SPTLC2: variants seen among roughly 807,000 people sequenced by gnomAD.
The protein encoded by SPTLC2 is serine palmitoyltransferase 2.
Under a neutral mutation model 62.0 loss-of-function variants are expected in SPTLC2, and 21 were observed. The ratio of observed to expected loss-of-function variants is 0.34; its 90% CI spans 0.24 to 0.49. The LOEUF (loss-of-function observed/expected upper bound fraction) is 0.49, where lower values mean the gene tolerates loss of function less well. SPTLC2 is among the 20% of genes least tolerant of loss of function. The pLI, the probability that SPTLC2 is intolerant of heterozygous loss-of-function variation, is 0.99. For missense variants in SPTLC2, 511 were observed against 713.0 expected (o/e 0.72, Z 3.23); for synonymous variants, 261 against 261.8 (o/e 1.00, Z 0.03).
chr14:77,567,034 G>A (rs866103055), intron 5 of SPTLC2, among the ~76,000 whole-genome samples: 18 of 151,132 alleles, frequency 1.2e-4, no homozygotes, highest in South Asian at 1.0e-3. Flanking sequence ...GCAGTGGCCC[G>A]ATCTCGGCTC....
At chr14:77,591,805 C>A (rs531466278) in intron 2 of SPTLC2, among the ~76,000 whole-genome samples, 2 of 152,154 alleles carry the variant, frequency 1.3e-5, no homozygotes, top group East Asian at 3.9e-4. Flanking sequence ...CTCACTGCAA[C>A]CTCCACCTCT....
chr14:77,534,180 A>T (rs112380690), intron 9 of SPTLC2, among the ~76,000 whole-genome samples: 189 of 18,524 alleles, frequency 0.01, no homozygotes, highest in South Asian at 0.047. Context: ...TCTCTCTCTC[A>T]CACACACACA....
At chr14:77,560,638 T>C (rs2079609679) in intron 6 of SPTLC2, among the ~76,000 whole-genome samples, 2 of 150,736 alleles carry the variant, frequency 1.3e-5, no homozygotes. Context: ...AAAATATATA[T>C]ATATATATGT....
chr14:77,602,017 A>G (rs1428244157), intron 1 of SPTLC2, among the ~76,000 whole-genome samples: 1 of 151,704 alleles, frequency 6.6e-6, no homozygotes, highest in Non-Finnish European at 1.5e-5. Context: ...TTGGTCATTC[A>G]CCCACATTCC....
At chr14:77,519,985 CTT>C (rs1320901630) in intron 10 of SPTLC2, among the ~76,000 whole-genome samples, 1 of 152,042 alleles carries the variant, frequency 6.6e-6, no homozygotes, top group Non-Finnish European at 1.5e-5. Context: ...ATATACCTTG[CTT>C]TTCTTTATAC....
At chr14:77,519,310 C>G (rs1450838991) in intron 10 of SPTLC2, among the ~76,000 whole-genome samples, 1 of 152,072 alleles carries the variant, frequency 6.6e-6, no homozygotes, top group African/African-American at 2.4e-5. Flanking sequence ...AGTGGGATTA[C>G]AGGTGTGAGC....
At chr14:77,516,938 T>A (rs2079362244) in intron 11 of SPTLC2, among the ~76,000 whole-genome samples, 1 of 152,220 alleles carries the variant, frequency 6.6e-6, no homozygotes. Flanking sequence ...AAAGAAGCAT[T>A]CATAATGTTC....
intron 1 of SPTLC2, among the ~76,000 whole-genome samples, chr14:77,604,006 C>A (rs1300329936): frequency 6.6e-6 from 1 of 152,214 alleles, no homozygotes; most frequent in Non-Finnish European, 1.5e-5. Flanking sequence ...TCCACTCTGC[C>A]CCCACCACGT....
At chr14:77,551,921 C>T (rs771583929) in intron 9 of SPTLC2, among the ~76,000 whole-genome samples, 175 bp downstream of exon 9, 6 of 152,148 alleles carry the variant, frequency 3.9e-5, no homozygotes, top group Admixed American at 2.0e-4. Flanking sequence ...GAGCCAGGGT[C>T]GTTCTCATGG....
chr14:77,551,754 C>T (rs1348213559), intron 9 of SPTLC2, among the ~76,000 whole-genome samples: 1 of 152,160 alleles, frequency 6.6e-6, no homozygotes, highest in Non-Finnish European at 1.5e-5. Flanking sequence ...CTTAACTATG[C>T]TGTTAATGAA....
intron 9 of SPTLC2, among the ~76,000 whole-genome samples, chr14:77,537,286 T>A (rs1396419621): frequency 1.4e-5 from 2 of 146,946 alleles, no homozygotes; most frequent in Admixed American, 6.8e-5. Context: ...GGGCAGAAGT[T>A]AAAAAAAAAA....
intron 2 of SPTLC2, among the ~76,000 whole-genome samples, chr14:77,590,602 C>T (rs921992187): frequency 6.6e-6 from 1 of 152,152 alleles, no homozygotes; most frequent in Non-Finnish European, 1.5e-5. Flanking sequence ...GTCCCAGCCA[C>T]TCTGGAGGCT....
intron 9 of SPTLC2, among the ~76,000 whole-genome samples, chr14:77,544,038 AT>A (rs145234220): frequency 0.04 from 6,050 of 152,150 alleles, 133 homozygotes; most frequent in Middle Eastern, 0.095. Flanking sequence ...CCTCTTTTTT[AT>A]TTTCTAGAGA....
At chr14:77,539,578 C>T (rs908121542) in intron 9 of SPTLC2, among the ~76,000 whole-genome samples, 3 of 133,688 alleles carry the variant, frequency 2.2e-5, no homozygotes, top group Non-Finnish European at 4.6e-5. Context: ...CAACCTCTGG[C>T]TCCTGGGCTC....
intron 2 of SPTLC2, among the ~76,000 whole-genome samples, chr14:77,583,350 A>G (rs1235276694): frequency 6.6e-6 from 1 of 152,120 alleles, no homozygotes; most frequent in East Asian, 1.9e-4. Context: ...GTTCTAGGCA[A>G]TGGGAGTGTA....
chr14:77,517,430 G>C (rs1259062191), intron 11 of SPTLC2, among the ~76,000 whole-genome samples: 1 of 152,178 alleles, frequency 6.6e-6, no homozygotes, highest in African/African-American at 2.4e-5. Context: ...AATATCTTGA[G>C]ATAATAAATA....
At chr14:77,539,662 A>G (rs918059810) in intron 9 of SPTLC2, among the ~76,000 whole-genome samples, 16 of 151,428 alleles carry the variant, frequency 1.1e-4, no homozygotes, top group Admixed American at 7.2e-4. Flanking sequence ...GCTAATTTTT[A>G]TATTTTTAAT....
intron 9 of SPTLC2, among the ~76,000 whole-genome samples, chr14:77,521,921 T>C (rs889026966): frequency 2.0e-5 from 3 of 152,192 alleles, no homozygotes; most frequent in Non-Finnish European, 2.9e-5. Flanking sequence ...CTTCATATTA[T>C]AGGTGGGGAG....
chr14:77,542,861 G>A (rs2079508686), intron 9 of SPTLC2, among the ~76,000 whole-genome samples: 1 of 152,166 alleles, frequency 6.6e-6, no homozygotes, highest in Non-Finnish European at 1.5e-5. Context: ...GCCACAGGAT[G>A]TATGACAAGC....
Sources: gnomAD v4.1 joint callset for allele counts (sites outside exome capture counted in the v4.1 genomes callset) on GRCh38, gnomAD v4.1.1 for gene constraint, MANE v1.5 for transcripts, NCBI Gene and HGNC (gene_info 2026-07-23, HGNC 2026-07-21) for gene names.